Variants in NCEH1 observed in about 807,000 individuals in gnomAD.
NCEH1 encodes neutral cholesterol ester hydrolase 1.
NCEH1 carries 9 observed loss-of-function variants against 25.4 expected under a neutral mutation model. The ratio of observed to expected loss-of-function variants is 0.35; its 90% CI spans 0.21 to 0.62. The LOEUF (loss-of-function observed/expected upper bound fraction) is 0.62. Among genes scored for constraint, NCEH1 ranks in the 20% least tolerant of loss-of-function variants. The probability of loss-of-function intolerance (pLI) is 0.72; values close to 1 mark genes in which losing one functional copy is unlikely to be tolerated. For missense variants in NCEH1, 412 were observed against 501.1 expected, an observed-to-expected ratio of 0.82 and a Z score of 1.70; for synonymous variants, 200 against 199.8, an observed-to-expected ratio of 1.00 and a Z score of -0.01.
At chr3:172,667,740 C>T (rs895137961) in intron 1 of NCEH1, among the ~76,000 whole-genome samples, 7 of 152,188 alleles carry the variant, frequency 4.6e-5, no homozygotes, top group Non-Finnish European at 8.8e-5. Context: ...AGCTTGCACC[C>T]CTCTGGAGTG....
intron 1 of NCEH1, among the ~76,000 whole-genome samples, chr3:172,696,251 G>C (rs1346368393): frequency 6.6e-6 from 1 of 151,942 alleles, no homozygotes; most frequent in Non-Finnish European, 1.5e-5. Flanking sequence ...CTAAAGTCAG[G>C]ATTTAAACCT....
chr3:172,687,871 G>C (rs1464020552), intron 1 of NCEH1, among the ~76,000 whole-genome samples: 1 of 152,240 alleles, frequency 6.6e-6, no homozygotes, highest in East Asian at 1.9e-4. Flanking sequence ...TTGAAAGTTT[G>C]ATCACATCGT....
chr3:172,671,586 T>C (rs1295680601), intron 1 of NCEH1, among the ~76,000 whole-genome samples: 1 of 152,040 alleles, frequency 6.6e-6, no homozygotes, highest in African/African-American at 2.4e-5. Flanking sequence ...ACCTGCTACA[T>C]GTGTGTATAT....
intron 1 of NCEH1, among the ~76,000 whole-genome samples, chr3:172,676,518 G>A (rs1712016364): frequency 6.6e-6 from 1 of 151,938 alleles, no homozygotes; most frequent in South Asian, 2.1e-4. Flanking sequence ...CAATCCCCTG[G>A]GCCCTATGCA....
chr3:172,665,081 C>T (rs145092348), intron 1 of NCEH1, among the ~76,000 whole-genome samples: 3,070 of 152,264 alleles, frequency 0.02, 101 homozygotes, highest in African/African-American at 0.071. Context: ...TCTGGTTTCT[C>T]CCCATCTTTG....
rs201627067 is a variant in NCEH1 at position 172,658,739 on chromosome 3, C to A, written c.139-10625G>T. On this transcript the variant is annotated intron_variant, in intron 1 of 4. Coordinates refer to ENST00000475381, the MANE Select transcript of NCEH1 (RefSeq NM_020792.6). ...GGATTTAACACTCTAACCCTGTCAC[C>A]CTAAAACATTTGGTTTTTTTCCTCC... Among the ~76,000 whole-genome samples, 7 of 152,068 alleles carry A rather than the reference C, an allele frequency of 4.6e-5. No individual in the cohort carries two copies. The East Asian group carries it at 1.4e-3, about 29-fold the overall frequency.
At chr3:172,635,755 A>G (rs1716570846) in intron 4 of NCEH1, among the ~76,000 whole-genome samples, 161 bp downstream of exon 4, 1 of 152,066 alleles carries the variant, frequency 6.6e-6, no homozygotes, top group Non-Finnish European at 1.5e-5. Flanking sequence ...CTTCAACGAG[A>G]TCTCTGAGAG....
chr3:172,662,396 C>T (rs1041796076), intron 1 of NCEH1, among the ~76,000 whole-genome samples: 3 of 152,154 alleles, frequency 2.0e-5, no homozygotes, highest in South Asian at 2.1e-4. Flanking sequence ...ATTTTTGCAT[C>T]GATGTTCATC....
intron 1 of NCEH1, among the ~76,000 whole-genome samples, chr3:172,686,210 G>A (rs912611666): frequency 6.6e-6 from 1 of 152,198 alleles, no homozygotes; most frequent in African/African-American, 2.4e-5. Flanking sequence ...GATGAAGACT[G>A]AGTCCATCCT....
chr3:172,631,990 G>A lies in NCEH1; in HGVS notation c.*1485C>T, dbSNP rs552835048. On this transcript the variant is annotated 3_prime_UTR_variant, in exon 5 of 5. Transcript: ENST00000475381. Reference sequence around the variant, plus strand: ...CCCACTGGCAGTGAAGACTTTACATGAAGTTAAGCTTGGGCTGTTGAAACT... The same window carrying A: ...CCCACTGGCAGTGAAGACTTTACATAAAGTTAAGCTTGGGCTGTTGAAACT... 6.5e-6 allele frequency: 1 copy of A among 152,780 alleles called. No individual in the cohort carries two copies. The highest frequency in any genetic ancestry group is 1.9e-4 in the East Asian group (1 of 5,184). 9.5% of individuals were successfully genotyped at this position (152,780 alleles called of 1,614,324 possible).
chr3:172,643,010 C>T (rs1716933681), intron 3 of NCEH1, among the ~76,000 whole-genome samples: 1 of 152,184 alleles, frequency 6.6e-6, no homozygotes, highest in East Asian at 1.9e-4. Flanking sequence ...TCAATCTCGG[C>T]TCACTGCAAC....
rs1283406750 is a variant in NCEH1, at chr3:172,633,777, T to C, written c.925A>G (p.Asn309Asp). 6.2e-7 allele frequency: 1 copy of C among 1,614,232 alleles called. No homozygotes were observed. ...NYKPVVQTTG[N>D]ARIVQELPQL... is the part of the protein sequence containing the mutation. ...GGAAGCTCCTGGACAATCCTGGCAT[T>C]GCCTGTGGTCTGTACAACAGGCTTG... The change falls in exon 5 of 5, where the codon AAT (asparagine) becomes GAT (aspartate). Residue 309 changes from asparagine (N) to aspartate (D), a missense_variant. Physicochemically the swap from Asn to Asp is conservative, Grantham distance 23 (BLOSUM62 1). Coordinates refer to ENST00000475381, the MANE Select transcript of NCEH1 (RefSeq NM_020792.6).
intron 4 of NCEH1, 72 bp from the exon 5 acceptor site, chr3:172,634,164 T>A: frequency 7.2e-7 from 1 of 1,396,672 alleles, no homozygotes; most frequent in Non-Finnish European, 9.8e-7. Context: ...CCCTGTAGAG[T>A]AGCTTCATGT....
rs1162074019 is a variant in NCEH1, at chr3:172,633,832, G to A, written c.870C>T (p.Ser290=). The A allele has an allele frequency of 6.2e-7, 1 of 1,614,198 alleles. No homozygotes were observed. Among genetic ancestry groups the A allele is most frequent in the South Asian group, 1.1e-5 (1 of 91,086 alleles). The change falls in exon 5 of 5, where the codon TCC becomes TCT. Residue 290 remains serine (S), a synonymous_variant. Coordinates refer to ENST00000475381, the MANE Select transcript of NCEH1 (RefSeq NM_020792.6). Reference sequence around the variant, plus strand: ...TCTTTGTGAAGGATGCAGGCAAGAGGGATGTCCAGTTTAGACGGGCCCTGA... The same window carrying A: ...TCTTTGTGAAGGATGCAGGCAAGAGAGATGTCCAGTTTAGACGGGCCCTGA... ...AAVRARLNWT[S]LLPASFTKNY... is the part of the protein sequence containing the mutation.
At chr3:172,674,081 A>G (rs184516878) in intron 1 of NCEH1, among the ~76,000 whole-genome samples, 1 of 152,232 alleles carries the variant, frequency 6.6e-6, no homozygotes. Context: ...AACCCCAGGA[A>G]ATAAAACCTT....
At chr3:172,659,897 G>A (rs1420297445) in intron 1 of NCEH1, among the ~76,000 whole-genome samples, 3 of 151,942 alleles carry the variant, frequency 2.0e-5, no homozygotes, top group Non-Finnish European at 4.4e-5. Flanking sequence ...TAATAATACA[G>A]GAGTTATTAA....
chr3:172,665,267 G>C (rs1718153720), intron 1 of NCEH1, among the ~76,000 whole-genome samples: 2 of 152,216 alleles, frequency 1.3e-5, no homozygotes, highest in Admixed American at 1.3e-4. Flanking sequence ...TCCAGACCTT[G>C]TTTGCCTGGG....
At chr3:172,651,467 T>C (rs1468547846) in intron 1 of NCEH1, among the ~76,000 whole-genome samples, 2 of 152,162 alleles carry the variant, frequency 1.3e-5, no homozygotes, top group African/African-American at 2.4e-5. Context: ...CTTTCTATAG[T>C]TGTTACTTCT....
At chr3:172,643,862 A>AC (rs1716980609) in intron 3 of NCEH1, among the ~76,000 whole-genome samples, 1 of 152,166 alleles carries the variant, frequency 6.6e-6, no homozygotes, top group South Asian at 2.1e-4. Flanking sequence ...GTTCCTCAAC[A>AC]CCGAGCTGTA....
Sources: gnomAD v4.1 joint callset for allele counts (sites outside exome capture counted in the v4.1 genomes callset) on GRCh38, gnomAD v4.1.1 for gene constraint, MANE v1.5 for transcripts, NCBI Gene and HGNC (gene_info 2026-07-23, HGNC 2026-07-21) for gene names.